Variants in RAB33A observed in about 807,000 individuals in gnomAD.
RAB33A encodes RAB33A, member RAS oncogene family, also known as ras-related protein Rab-33A.
In RAB33A, 6 loss-of-function variants were observed where a neutral mutation model predicts 12.0. The ratio of observed to expected loss-of-function variants is 0.50; its 90% CI spans 0.27 to 0.99. RAB33A has a LOEUF of 0.99. Ranked by LOEUF, RAB33A falls within the 50% of genes least tolerant of loss-of-function variation. The pLI, the probability that RAB33A is intolerant of heterozygous loss-of-function variation, is 0.11. For synonymous variants in RAB33A, 70 were observed against 82.4 expected, an observed-to-expected ratio of 0.85 and a Z score of 0.81; for missense variants, 109 against 192.0, an observed-to-expected ratio of 0.57 and a Z score of 2.55.
chrX:130,112,953 T>TGTGTATCAAA, the RAB33A span, among the ~76,000 whole-genome samples: 13 of 110,461 alleles, frequency 1.2e-4, no homozygotes, highest in Admixed American at 1.2e-3. Context: ...ATTTATGGGT[T>TGTGTATCAAA]ACATGAGATG....
chrX:130,170,094 A>G (rs2031589255), upstream of RAB33A, among the ~76,000 whole-genome samples: 1 of 112,615 alleles, frequency 8.9e-6, no homozygotes, highest in Admixed American at 9.4e-5. Flanking sequence ...GGTAGTTTTA[A>G]TGCTGAGTAG....
chrX:130,129,040 C>T, the RAB33A span, among the ~76,000 whole-genome samples: 1 of 112,319 alleles, frequency 8.9e-6, no homozygotes, highest in African/African-American at 3.2e-5. Context: ...AGGGCTTCTG[C>T]TTCCAGGAAG....
chrX:130,157,664 T>C, the RAB33A span, among the ~76,000 whole-genome samples: 2 of 112,217 alleles, frequency 1.8e-5, no homozygotes, highest in Non-Finnish European at 3.8e-5. Flanking sequence ...TCTTTTTTTT[T>C]TCAGCCGTTT....
chrX:130,164,164 TC>T, the RAB33A span, among the ~76,000 whole-genome samples: 256 of 57,591 alleles, frequency 4.4e-3, no homozygotes, highest in African/African-American at 0.025. Flanking sequence ...CGAGACTCCG[TC>T]TCAAAAAAAA....
At chrX:130,132,936 G>A in the RAB33A span, among the ~76,000 whole-genome samples, 5 of 109,984 alleles carry the variant, frequency 4.5e-5, no homozygotes, top group South Asian at 3.9e-4. Flanking sequence ...TAGTAGAGAC[G>A]GGGTTTCACC....
chrX:130,140,489 A>C, the RAB33A span: 10 of 1,086,383 alleles, frequency 9.2e-6, no homozygotes, highest in Non-Finnish European at 1.1e-5. Flanking sequence ...CTAAAACTTG[A>C]ATGAGCTGTA....
chrX:130,134,886 C>A, the RAB33A span, among the ~76,000 whole-genome samples: 1 of 111,390 alleles, frequency 9.0e-6, no homozygotes, highest in Non-Finnish European at 1.9e-5. Flanking sequence ...ATAGAAAATG[C>A]TTACATTTAT....
the RAB33A span, among the ~76,000 whole-genome samples, chrX:130,111,160 G>A: frequency 9.1e-6 from 1 of 110,041 alleles, no homozygotes; most frequent in African/African-American, 3.3e-5. Context: ...TCGCGCCCGG[G>A]GGACCACGAG....
At chrX:130,184,204 A>G in intron 1 of RAB33A, 81 bp from the exon 2 acceptor site, 1 of 942,135 alleles carries the variant, frequency 1.1e-6, no homozygotes, top group Non-Finnish European at 1.5e-6. Flanking sequence ...CTTCATTTTT[A>G]TAGTGCTACA....
the RAB33A span, among the ~76,000 whole-genome samples, chrX:130,142,615 C>T: frequency 9.0e-6 from 1 of 110,756 alleles, no homozygotes; most frequent in South Asian, 3.9e-4. Flanking sequence ...AGTGCTTTAC[C>T]CTCTTTTCTA....
the RAB33A span, among the ~76,000 whole-genome samples, chrX:130,142,470 T>A: frequency 1.9e-3 from 207 of 111,337 alleles, no homozygotes; most frequent in Non-Finnish European, 3.2e-3. Flanking sequence ...CCATGAGGCA[T>A]GAGGGCTCCC....
At chrX:130,171,127 C>T (rs1361607684), upstream of RAB33A, among the ~76,000 whole-genome samples, 1 of 113,191 alleles carries the variant, frequency 8.8e-6, no homozygotes, top group East Asian at 2.8e-4. Context: ...AAGTCTGTAA[C>T]AGAAACAGTT....
upstream of RAB33A, chrX:130,171,867 G>A (rs1448708702): frequency 3.3e-5 from 14 of 427,894 alleles, no homozygotes; most frequent in East Asian, 5.3e-4. Context: ...GAGGAGGAGG[G>A]GGGCCCGGAG....
chrX:130,115,874 C>T, the RAB33A span, among the ~76,000 whole-genome samples: 1 of 111,053 alleles, frequency 9.0e-6, no homozygotes, highest in East Asian at 2.8e-4. Flanking sequence ...AGCCAGTACT[C>T]ATTCTTCTGT....
At chrX:130,145,410 C>T in the RAB33A span, 6 of 807,971 alleles carry the variant, frequency 7.4e-6, no homozygotes, top group Non-Finnish European at 1.1e-5. Flanking sequence ...GTAATGGAAA[C>T]ACACATCACC....
the RAB33A span, among the ~76,000 whole-genome samples, chrX:130,161,297 G>A: frequency 9.1e-6 from 1 of 110,227 alleles, no homozygotes; most frequent in South Asian, 3.9e-4. Flanking sequence ...CGGATCACGA[G>A]GTCAGGAGTT....
At chrX:130,122,512 GGGCAC>G in the RAB33A span, among the ~76,000 whole-genome samples, 1 of 112,538 alleles carries the variant, frequency 8.9e-6, no homozygotes, top group Non-Finnish European at 1.9e-5. Flanking sequence ...CTGCACTTCA[GGGCAC>G]GGCTCTGCCA....
At chrX:130,143,417 T>G in the RAB33A span, among the ~76,000 whole-genome samples, 1 of 111,913 alleles carries the variant, frequency 8.9e-6, no homozygotes, top group East Asian at 2.8e-4. Flanking sequence ...CACTCAGACA[T>G]GCAGGCTAGA....
At chrX:130,138,997 G>T in the RAB33A span, among the ~76,000 whole-genome samples, 1 of 111,164 alleles carries the variant, frequency 9.0e-6, no homozygotes, top group African/African-American at 3.3e-5. Flanking sequence ...AGCATTTAGT[G>T]TGCAGAGGCC....
Sources: allele counts gnomAD v4.1 joint callset (sites outside exome capture counted in the v4.1 genomes callset), GRCh38; gene constraint gnomAD v4.1.1; transcripts MANE v1.5; gene names NCBI Gene and HGNC (gene_info 2026-07-23, HGNC 2026-07-21).